The following COX10 variants were observed in gnomAD, a reference collection of about 807,000 sequenced individuals.
COX10 encodes protoheme IX farnesyltransferase, mitochondrial.
A neutral mutation model predicts 37.3 loss-of-function variants in COX10; 27 were observed. The observed-to-expected ratio is 0.72, with a 90% CI of 0.53 to 1.00. The LOEUF (loss-of-function observed/expected upper bound fraction) is 1.00. COX10 is among the 50% of genes least tolerant of loss of function. The probability of loss-of-function intolerance (pLI) is 0.00; values close to 1 mark genes in which losing one functional copy is unlikely to be tolerated. For synonymous variants in COX10, 222 were observed against 229.1 expected (o/e 0.97, Z 0.28); for missense variants, 475 against 563.2 (o/e 0.84, Z 1.59).
chr17:14,207,233 G>A lies in COX10; in HGVS notation c.*20G>A, dbSNP rs375602415. 36 of 1,558,224 alleles carry A rather than the reference G, an allele frequency of 2.3e-5. No homozygotes were observed. The highest frequency in any genetic ancestry group is 6.8e-5 in the East Asian group (3 of 43,862). On this transcript the variant is annotated 3_prime_UTR_variant, in exon 7 of 7. Transcript: ENST00000261643. The stretch of plus-strand genomic sequence containing the variant: ...AGCTGAGAGCACTGGGACGCCCACC[G>A]CCCCTTTCCCTCCGCTGCCAGGCGA...
intron 5 of COX10, among the ~76,000 whole-genome samples, chr17:14,190,223 A>C (rs925785049): frequency 2.6e-5 from 4 of 152,210 alleles, no homozygotes; most frequent in Non-Finnish European, 5.9e-5. Flanking sequence ...AAGCACCCGC[A>C]CTGTTAAACC....
intron 5 of COX10, among the ~76,000 whole-genome samples, chr17:14,184,141 G>A (rs1905953615): frequency 6.6e-6 from 1 of 152,166 alleles, no homozygotes; most frequent in African/African-American, 2.4e-5. Context: ...GGCTAAACAA[G>A]TAGAAACCCA....
At chr17:14,163,260 T>TATTTATTC (rs1905207475) in intron 5 of COX10, among the ~76,000 whole-genome samples, 2 of 151,688 alleles carry the variant, frequency 1.3e-5, no homozygotes, top group South Asian at 4.2e-4. Flanking sequence ...TTTATTTATT[T>TATTTATTC]ATTTATTTAT....
intron 3 of COX10, among the ~76,000 whole-genome samples, chr17:14,084,816 A>G (rs943601313): frequency 1.3e-5 from 2 of 152,122 alleles, no homozygotes; most frequent in Non-Finnish European, 2.9e-5. Flanking sequence ...GCCTGCCACC[A>G]CGCCAGCTAA....
At chr17:14,141,850 T>A (rs779284627) in intron 4 of COX10, among the ~76,000 whole-genome samples, 2 of 152,226 alleles carry the variant, frequency 1.3e-5, no homozygotes, top group Non-Finnish European at 2.9e-5. Flanking sequence ...CTGCCTCGCA[T>A]AAGAGTAGCA....
In COX10 at chr17:14,102,193, C is replaced by T. The variant is rs1232781630; in HGVS notation, c.575C>T (p.Thr192Ile). 1.2e-6 allele frequency: 2 copies of T among 1,613,672 alleles called. No individual in the cohort carries two copies. Residue 192 changes from threonine to isoleucine, a missense_variant, in exon 4 of 7, where the codon ACT becomes ATT. Thr to Ile is a moderately conservative substitution (Grantham distance 89, BLOSUM62 -1). This residue lies in a region of COX10 where 242 missense variants were observed against 242.5 expected (regional missense o/e 1.00). Coordinates refer to ENST00000261643, the MANE Select transcript of COX10 (RefSeq NM_001303.4). ...GPFDWPCFLLTSVGTGLASCA... is the reference protein window; with the variant it reads ...GPFDWPCFLLISVGTGLASCA... The stretch of plus-strand genomic sequence containing the variant: ...TTTGACTGGCCCTGTTTCCTGCTTA[C>T]TTCTGTTGGGACAGGCCTTGCATCC...
intron 6 of COX10, among the ~76,000 whole-genome samples, chr17:14,193,322 A>G (rs1243012983): frequency 6.6e-6 from 1 of 152,066 alleles, no homozygotes; most frequent in African/African-American, 2.4e-5. Context: ...GGGGCTAATA[A>G]TCTTCTCCCC....
At chr17:14,107,364 C>T (rs550449431) in intron 4 of COX10, among the ~76,000 whole-genome samples, 3 of 152,130 alleles carry the variant, frequency 2.0e-5, no homozygotes, top group South Asian at 4.1e-4. Context: ...GTGTTCATGG[C>T]GTAATTACTA....
chr17:14,182,597 C>T (rs1905902443), intron 5 of COX10, among the ~76,000 whole-genome samples: 1 of 152,096 alleles, frequency 6.6e-6, no homozygotes, highest in African/African-American at 2.4e-5. Flanking sequence ...GAGGCTTTCT[C>T]CAGAAACTCA....
At chr17:14,179,930 T>C (rs1381833944) in intron 5 of COX10, among the ~76,000 whole-genome samples, 2 of 151,952 alleles carry the variant, frequency 1.3e-5, no homozygotes, top group African/African-American at 2.4e-5. Context: ...CAATACCTGG[T>C]TTTGAAATGA....
At chr17:14,121,928 A>G (rs1433251700) in intron 4 of COX10, among the ~76,000 whole-genome samples, 2 of 152,054 alleles carry the variant, frequency 1.3e-5, no homozygotes, top group Non-Finnish European at 2.9e-5. Context: ...AAGCATACAC[A>G]TGTGCATGTG....
chr17:14,161,558 G>A (rs1487804593), intron 5 of COX10, among the ~76,000 whole-genome samples: 1 of 152,206 alleles, frequency 6.6e-6, no homozygotes. Context: ...TCCAGAGGAG[G>A]ATAGTGTGTG....
At chr17:14,117,444 T>A (rs565940123) in intron 4 of COX10, among the ~76,000 whole-genome samples, 4 of 152,246 alleles carry the variant, frequency 2.6e-5, no homozygotes, top group Non-Finnish European at 5.9e-5. Flanking sequence ...GCCACTCTTA[T>A]AATGTGCCAC....
intron 5 of COX10, among the ~76,000 whole-genome samples, chr17:14,186,183 G>A (rs1479727238): frequency 3.3e-5 from 5 of 151,962 alleles, no homozygotes; most frequent in Admixed American, 2.6e-4. Context: ...AGGCAGAGTA[G>A]TCCTTCTAAA....
At chr17:14,183,506 A>T (rs1905927818) in intron 5 of COX10, among the ~76,000 whole-genome samples, 1 of 152,208 alleles carries the variant, frequency 6.6e-6, no homozygotes, top group African/African-American at 2.4e-5. Context: ...TGTTCTTAAT[A>T]AAAGGCCATT....
chr17:14,172,797 C>T (rs919580128), intron 5 of COX10, among the ~76,000 whole-genome samples: 8 of 151,912 alleles, frequency 5.3e-5, no homozygotes, highest in African/African-American at 1.9e-4. Flanking sequence ...AAGCGTTTCT[C>T]CTGCCTTGGC....
Position 14,194,705 on chromosome 17 carries a change from G to A in COX10, c.928+2484G>A, listed in dbSNP as rs142893839. ...CTCCCAAAGTGCTGGGATTACAGGC[G>A]TGAGCCACCGCGCCTGGCCTAAAAT... On this transcript the variant is annotated intron_variant, in intron 6 of 6. Transcript: ENST00000261643. Among the ~76,000 whole-genome samples, 135 of 152,294 alleles carry A rather than the reference G, an allele frequency of 8.9e-4. 2 individuals are homozygous for A. The highest frequency in any genetic ancestry group is 5.8e-4 in the East Asian group (3 of 5,178).
At chr17:14,206,157 C>T (rs1906691503) in intron 6 of COX10, among the ~76,000 whole-genome samples, 1 of 152,070 alleles carries the variant, frequency 6.6e-6, no homozygotes, top group Non-Finnish European at 1.5e-5. Flanking sequence ...CAGATCAGAG[C>T]CAGGGTGTGA....
rs1339267068 is a variant in COX10, at chr17:14,145,890, A to G, written c.625-13987A>G. ...GTGTATTTGAGAAATATTTTGGATC[A>G]ACATTTTGCCTTCCTCCGACTTTCT... On this transcript the variant is annotated intron_variant, in intron 4 of 6. Transcript: ENST00000261643. 2.6e-5 allele frequency among the ~76,000 whole-genome samples: 4 copies of G among 152,154 alleles called. No individual in the cohort carries two copies. The South Asian group carries it at 6.2e-4, about 24-fold the overall frequency.
Sources: allele counts gnomAD v4.1 joint callset (sites outside exome capture counted in the v4.1 genomes callset), GRCh38; gene constraint gnomAD v4.1.1; regional missense constraint gnomAD v4.1.1; transcripts MANE v1.5; gene names NCBI Gene and HGNC (gene_info 2026-07-23, HGNC 2026-07-21).